Variants in POPDC1 observed in about 807,000 individuals in gnomAD.
POPDC1 encodes the protein popeye domain-containing protein 1.
the POPDC1 span, among the ~76,000 whole-genome samples, chr6:105,113,502 C>A: frequency 1.3e-5 from 2 of 152,138 alleles, no homozygotes; most frequent in Non-Finnish European, 2.9e-5. Context: ...AGGGAACATG[C>A]ATGGAAGTGG....
chr6:105,134,547 T>C, the POPDC1 span, among the ~76,000 whole-genome samples: 2 of 152,182 alleles, frequency 1.3e-5, no homozygotes, highest in African/African-American at 4.8e-5. Flanking sequence ...CATTTAAATT[T>C]AGAAATATGT....
chr6:105,104,874 C>T, the POPDC1 span, among the ~76,000 whole-genome samples: 4 of 152,130 alleles, frequency 2.6e-5, no homozygotes, highest in African/African-American at 4.8e-5. Context: ...GAATCACACC[C>T]AGTCTTTCAT....
chr6:105,113,452 A>G, the POPDC1 span, among the ~76,000 whole-genome samples: 1 of 152,146 alleles, frequency 6.6e-6, no homozygotes, highest in African/African-American at 2.4e-5. Flanking sequence ...TAAATGATCT[A>G]TCCATTGATG....
the POPDC1 span, among the ~76,000 whole-genome samples, chr6:105,116,142 T>C: frequency 7.9e-5 from 12 of 152,214 alleles, no homozygotes; most frequent in African/African-American, 2.9e-4. Context: ...CAATTGTCAC[T>C]GGGTAACAGT....
At chr6:105,106,152 A>T in the POPDC1 span, among the ~76,000 whole-genome samples, 5 of 152,210 alleles carry the variant, frequency 3.3e-5, no homozygotes, top group African/African-American at 9.6e-5. Context: ...TTATAAAAGT[A>T]TATAAACAGT....
chr6:105,097,295 G>A, the POPDC1 span: 2 of 152,232 alleles, frequency 1.3e-5, no homozygotes, highest in African/African-American at 4.8e-5. Flanking sequence ...AGGAAACCAG[G>A]ATTGGAAAGA....
At chr6:105,100,758 G>GA in the POPDC1 span, 1 of 163,434 alleles carries the variant, frequency 6.1e-6, no homozygotes, top group East Asian at 1.7e-4. Flanking sequence ...TCATAACTTG[G>GA]AAAAAAATAA....
At chr6:105,123,005 C>T in the POPDC1 span, among the ~76,000 whole-genome samples, 1 of 152,186 alleles carries the variant, frequency 6.6e-6, no homozygotes, top group Non-Finnish European at 1.5e-5. Flanking sequence ...GGATTGAAAC[C>T]ACCGTAAATG....
At chr6:105,107,572 T>C in the POPDC1 span, among the ~76,000 whole-genome samples, 1 of 152,216 alleles carries the variant, frequency 6.6e-6, no homozygotes, top group African/African-American at 2.4e-5. Context: ...GCTTAAGAAA[T>C]ACACTTTTTA....
the POPDC1 span, among the ~76,000 whole-genome samples, chr6:105,116,278 T>C: frequency 6.6e-6 from 1 of 152,178 alleles, no homozygotes; most frequent in African/African-American, 2.4e-5. Context: ...TCTACACCTC[T>C]CCTTTCACTT....
chr6:105,126,345 T>A, the POPDC1 span, among the ~76,000 whole-genome samples: 2 of 151,758 alleles, frequency 1.3e-5, no homozygotes, highest in Non-Finnish European at 2.9e-5. Context: ...GGTGGGAGGA[T>A]TACTTGAGCC....
chr6:105,125,373 T>C, the POPDC1 span: 83 of 1,611,362 alleles, frequency 5.2e-5, no homozygotes, highest in Non-Finnish European at 6.9e-5. Context: ...GGAATTTTGA[T>C]TTCCACAGAA....
chr6:105,130,761 G>T, the POPDC1 span, among the ~76,000 whole-genome samples: 1 of 152,094 alleles, frequency 6.6e-6, no homozygotes, highest in Non-Finnish European at 1.5e-5. Context: ...GTGAATATTT[G>T]TATATCTAAA....
the POPDC1 span, chr6:105,124,472 T>G: frequency 2.9e-6 from 3 of 1,020,294 alleles, no homozygotes; most frequent in Non-Finnish European, 4.6e-6. Context: ...TAGCAGTGTT[T>G]CTATTAATAT....
At chr6:105,115,612 CAA>C in the POPDC1 span, 1 of 1,523,904 alleles carries the variant, frequency 6.6e-7, no homozygotes, top group South Asian at 1.2e-5. Context: ...TTTTTCTAAT[CAA>C]AGTTGTCATT....
chr6:105,102,913 C>G, the POPDC1 span, among the ~76,000 whole-genome samples: 2 of 152,272 alleles, frequency 1.3e-5, no homozygotes, highest in South Asian at 4.2e-4. Flanking sequence ...ACATTTACAG[C>G]AAAAATACTG....
the POPDC1 span, among the ~76,000 whole-genome samples, chr6:105,117,203 G>T: frequency 5.9e-5 from 9 of 152,134 alleles, no homozygotes; most frequent in African/African-American, 2.2e-4. Context: ...TGACTTACAT[G>T]AAATATTTCT....
At chr6:105,134,307 T>C in the POPDC1 span, among the ~76,000 whole-genome samples, 1 of 152,104 alleles carries the variant, frequency 6.6e-6, no homozygotes, top group East Asian at 1.9e-4. Flanking sequence ...AGTAGTAAAC[T>C]TCCAGTTTAC....
At chr6:105,135,294 ATC>A in the POPDC1 span, among the ~76,000 whole-genome samples, 15 of 152,086 alleles carry the variant, frequency 9.9e-5, no homozygotes, top group Non-Finnish European at 1.9e-4. Context: ...GTCTCCCCAG[ATC>A]TCAGTAATAA....
Sources: allele counts gnomAD v4.1 joint callset (sites outside exome capture counted in the v4.1 genomes callset), GRCh38; gene constraint gnomAD v4.1.1; transcripts MANE v1.5; gene names NCBI Gene and HGNC (gene_info 2026-07-23, HGNC 2026-07-21).